PSMC6: variants seen among roughly 807,000 people sequenced by gnomAD.
PSMC6 encodes 26S proteasome regulatory subunit 10B.
PSMC6 carries 3 observed loss-of-function variants against 55.9 expected under a neutral mutation model. The observed-to-expected ratio is 0.05, with a 90% CI of 0.02 to 0.14. The LOEUF is 0.14. Ranked by LOEUF, PSMC6 falls within the 10% of genes least tolerant of loss-of-function variation. PSMC6 has a pLI of 1.00. For missense variants in PSMC6, 210 were observed against 478.7 expected (o/e 0.44, Z 5.24); for synonymous variants, 137 against 155.9 (o/e 0.88, Z 0.90).
Position 52,714,031 on chromosome 14 carries a change from A to C in PSMC6, c.529+63A>C, listed in dbSNP as rs962257615. ...AATGAATTAAGGAATTAAAAAAAAA[A>C]AGACAATTTTTTTATTTTTATTTTT... On this transcript the variant is annotated intron_variant, in intron 7 of 13. Coordinates refer to ENST00000445930, the MANE Select transcript of PSMC6 (RefSeq NM_002806.5). 38 of 1,137,932 alleles carry C rather than the reference A, an allele frequency of 3.3e-5. No individual in the cohort carries two copies. In the African/African-American group the frequency reaches 5.8e-4, roughly 17 times the overall value. The allele number at this position is 1,137,932 out of a possible 1,614,324, so 70.5% of individuals were successfully genotyped here.
At chr14:52,727,371 A>T in intron 13 of PSMC6, 128 bp from the exon 14 acceptor site, 1 of 690,068 alleles carries the variant, frequency 1.4e-6, no homozygotes, top group Non-Finnish European at 2.3e-6. Context: ...TTAGCAAATT[A>T]CAACTACTGG....
At chr14:52,723,721 A>G (rs1737471812) in intron 12 of PSMC6, 1 of 827,870 alleles carries the variant, frequency 1.2e-6, no homozygotes, top group Non-Finnish European at 1.7e-6. Context: ...ATAGATTAAG[A>G]TATTTTGAGA....
At chr14:52,717,954 G>A in intron 7 of PSMC6, 127 bp from the exon 8 acceptor site, 1 of 807,940 alleles carries the variant, frequency 1.2e-6, no homozygotes, top group Non-Finnish European at 2.0e-6. Context: ...CTTAGGTCTG[G>A]GAGGTCAAGG....
chr14:52,708,756 T>C lies in PSMC6; in HGVS notation c.206-8T>C. The C allele has an allele frequency of 6.2e-7, 1 of 1,612,384 alleles. No homozygotes were observed. The highest frequency in any genetic ancestry group is 8.5e-7 in the Non-Finnish European group (1 of 1,179,614). On this transcript the variant is annotated splice_polypyrimidine_tract_variant and splice_region_variant and intron_variant, in intron 3 of 13. Coordinates refer to ENST00000445930, the MANE Select transcript of PSMC6 (RefSeq NM_002806.5). ...TTTCAATTAGTTCTTTTATGTTTTT[T>C]CTTCTAGTCATTGTTAAAGCTACCA...
chr14:52,724,420 G>A lies in PSMC6; in HGVS notation c.1051+384G>A, dbSNP rs77423619. Reference sequence around the variant, plus strand: ...ACTTCTACCTGCCTTAGGGCAGAATGTGGAAGGAGAGGCATGTAATAGAAC... The same window carrying A: ...ACTTCTACCTGCCTTAGGGCAGAATATGGAAGGAGAGGCATGTAATAGAAC... On this transcript the variant is annotated intron_variant, in intron 13 of 13. Transcript: ENST00000445930. Among the ~76,000 whole-genome samples the A allele has an allele frequency of 5.7e-3, 862 of 152,342 alleles. 6 individuals are homozygous for A. Among genetic ancestry groups the A allele is most frequent in the East Asian group, 0.046 (237 of 5,186 alleles).
intron 4 of PSMC6, 164 bp downstream of exon 4, chr14:52,708,980 A>T: frequency 3.0e-6 from 3 of 991,494 alleles, no homozygotes; most frequent in Non-Finnish European, 2.8e-6. Context: ...AATTCAAACC[A>T]TGGGCTTTGA....
At chr14:52,723,620 C>A in intron 12 of PSMC6, 1 of 214,990 alleles carries the variant, frequency 4.7e-6, no homozygotes, top group Non-Finnish European at 9.0e-6. Context: ...TAGGTTTATT[C>A]AAATCCAAGA....
chr14:52,718,862 C>A, intron 9 of PSMC6, 115 bp from the exon 10 acceptor site: 2 of 785,564 alleles, frequency 2.5e-6, no homozygotes, highest in South Asian at 1.7e-5. Context: ...ATAATTCTTG[C>A]TCTTTAATTT....
At chr14:52,710,871 C>T (rs1365018411) in intron 4 of PSMC6, 1 of 520,388 alleles carries the variant, frequency 1.9e-6, no homozygotes. Flanking sequence ...TTAGTCATTT[C>T]ACATTTTACA....
chr14:52,708,058 A>C (rs1195297218), intron 1 of PSMC6, among the ~76,000 whole-genome samples: 3 of 152,206 alleles, frequency 2.0e-5, no homozygotes, highest in Non-Finnish European at 4.4e-5. Context: ...CTAAGACTAT[A>C]ACTTAAGATG....
chr14:52,715,741 T>G (rs750054159), intron 7 of PSMC6, among the ~76,000 whole-genome samples: 1 of 151,802 alleles, frequency 6.6e-6, no homozygotes, highest in Non-Finnish European at 1.5e-5. Context: ...CTCAGCCTCC[T>G]GAGTAGCTGG....
intron 7 of PSMC6, among the ~76,000 whole-genome samples, chr14:52,716,211 A>C (rs901670290): frequency 5.9e-5 from 9 of 152,258 alleles, no homozygotes; most frequent in African/African-American, 1.9e-4. Context: ...CAAGATGTAG[A>C]GAAAAGAGAA....
At chr14:52,725,941 A>AT (rs1312445462) in intron 13 of PSMC6, among the ~76,000 whole-genome samples, 1 of 152,220 alleles carries the variant, frequency 6.6e-6, no homozygotes, top group East Asian at 1.9e-4. Flanking sequence ...AAACTTTGTT[A>AT]TTTTTTAAAA....
chr14:52,714,241 A>G (rs1351799081), intron 7 of PSMC6, among the ~76,000 whole-genome samples: 1 of 152,016 alleles, frequency 6.6e-6, no homozygotes, highest in Non-Finnish European at 1.5e-5. Flanking sequence ...CAATTTTGCC[A>G]TATTGCTCAG....
intron 6 of PSMC6, among the ~76,000 whole-genome samples, chr14:52,713,058 C>T (rs995377396): frequency 6.6e-6 from 1 of 152,030 alleles, no homozygotes; most frequent in African/African-American, 2.4e-5. Context: ...CAGTGAAACC[C>T]CATCTCTTCT....
intron 3 of PSMC6, 116 bp downstream of exon 3, chr14:52,708,638 A>C: frequency 6.5e-7 from 1 of 1,530,218 alleles, no homozygotes; most frequent in Non-Finnish European, 8.9e-7. Context: ...TTTTGAATAG[A>C]CTTAAGTTTT....
At chr14:52,718,777 T>G in intron 9 of PSMC6, 200 bp from the exon 10 acceptor site, 1 of 555,120 alleles carries the variant, frequency 1.8e-6, no homozygotes, top group Non-Finnish European at 3.2e-6. Flanking sequence ...AGAGCGAGAC[T>G]CCGTCTCAAT....
chr14:52,707,647 T>C, intron 1 of PSMC6: 1 of 267,098 alleles, frequency 3.7e-6, no homozygotes, highest in Non-Finnish European at 7.4e-6. Flanking sequence ...GGGAAGGCGC[T>C]TGAGTCAAGT....
intron 4 of PSMC6, 84 bp from the exon 5 acceptor site, chr14:52,711,017 T>C: frequency 3.5e-6 from 1 of 284,544 alleles, no homozygotes; most frequent in Non-Finnish European, 6.0e-6. Context: ...AAAATGAGTG[T>C]TTGGCTTCTA....
Sources: gnomAD v4.1 joint callset for allele counts (sites outside exome capture counted in the v4.1 genomes callset) on GRCh38, gnomAD v4.1.1 for gene constraint, MANE v1.5 for transcripts, NCBI Gene and HGNC (gene_info 2026-07-23, HGNC 2026-07-21) for gene names.